The following DNAH17 variants were observed in gnomAD, a reference collection of about 807,000 sequenced individuals.
The protein encoded by DNAH17 is dynein axonemal heavy chain 17.
A neutral mutation model predicts 485.6 loss-of-function variants in DNAH17; 376 were observed. That is an observed-to-expected ratio of 0.77 (90% CI 0.71 to 0.84). The LOEUF is 0.84. Among genes scored for constraint, DNAH17 ranks in the 40% least tolerant of loss-of-function variants. DNAH17 has a pLI of 0.00. For synonymous variants in DNAH17, 3,031 were observed against 2,405.9 expected (o/e 1.26, Z -7.60); for missense variants, 6,370 against 5,839.3 (o/e 1.09, Z -2.96).
intron 74 of DNAH17, among the ~76,000 whole-genome samples, chr17:78,436,101 A>G (rs146384417): frequency 4.6e-4 from 70 of 152,342 alleles, no homozygotes; most frequent in African/African-American, 1.5e-3. Flanking sequence ...GATACACCCC[A>G]TAAGTAGATC....
intron 75 of DNAH17, among the ~76,000 whole-genome samples, chr17:78,430,236 G>T (rs544324798): frequency 1.6e-4 from 24 of 152,248 alleles, no homozygotes; most frequent in African/African-American, 5.5e-4. Context: ...GGGAGCCACG[G>T]ATTGAGGCCA....
intron 44 of DNAH17, among the ~76,000 whole-genome samples, chr17:78,489,741 A>T (rs1038480984): frequency 6.9e-6 from 1 of 145,046 alleles, no homozygotes; most frequent in African/African-American, 2.6e-5. Flanking sequence ...CACTCTCTAC[A>T]TCTTTCCTGG....
intron 42 of DNAH17, 74 bp from the exon 43 acceptor site, chr17:78,491,644 G>A: frequency 6.5e-7 from 1 of 1,538,954 alleles, no homozygotes; most frequent in Admixed American, 2.0e-5. Flanking sequence ...TCCTGACCCT[G>A]GCCTCTCTCT....
At chr17:78,459,468 G>A (rs1052317034) in intron 60 of DNAH17, among the ~76,000 whole-genome samples, 7 of 152,234 alleles carry the variant, frequency 4.6e-5, no homozygotes, top group South Asian at 2.1e-4. Context: ...AGATGCAGAC[G>A]AGATGACGTG....
At chr17:78,479,703 G>T (rs900917036) in intron 49 of DNAH17, 71 bp from the exon 50 acceptor site, 4 of 1,589,352 alleles carry the variant, frequency 2.5e-6, no homozygotes, top group Non-Finnish European at 2.6e-6. Context: ...GGCCACCTTC[G>T]CGGGAGAGTG....
intron 56 of DNAH17, among the ~76,000 whole-genome samples, chr17:78,463,530 A>G (rs1417092160): frequency 1.3e-5 from 2 of 152,190 alleles, no homozygotes; most frequent in Non-Finnish European, 2.9e-5. Flanking sequence ...CTGCATATGT[A>G]CACGTGCACA....
intron 48 of DNAH17, 185 bp downstream of exon 48, chr17:78,484,683 G>A (rs2089509385): frequency 2.4e-6 from 1 of 415,018 alleles, no homozygotes; most frequent in African/African-American, 2.1e-5. Context: ...ATGCCTTGTG[G>A]CCCCACAAAC....
chr17:78,532,545 C>G lies in DNAH17; in HGVS notation c.3051G>C (p.Leu1017Phe). ...IYGCAVTAED[L>F]DTWTDDTIPK... ...GGATGGTGTCATCTGTCCAGGTGTCCAAGTCCTCCGCAGTGACTGCACACC... is the reference window on the plus strand; with the variant it reads ...GGATGGTGTCATCTGTCCAGGTGTCGAAGTCCTCCGCAGTGACTGCACACC... Residue 1017 changes from leucine to phenylalanine, a missense_variant, in exon 20 of 81, where the codon TTG becomes TTC. By Grantham distance (22) the Leu-to-Phe change is conservative (BLOSUM62 0). Coordinates refer to ENST00000389840, the MANE Select transcript of DNAH17 (RefSeq NM_173628.4). 6.2e-7 allele frequency: 1 copy of G among 1,611,032 alleles called. No homozygotes were observed. The highest frequency in any genetic ancestry group is 8.5e-7 in the Non-Finnish European group (1 of 1,178,794).
intron 13 of DNAH17, among the ~76,000 whole-genome samples, chr17:78,558,848 A>C (rs963460181): frequency 6.6e-6 from 1 of 152,202 alleles, no homozygotes; most frequent in Admixed American, 6.5e-5. Context: ...CCACAAAGCT[A>C]TTCTCAAAGT....
chr17:78,488,451 G>T (rs1288691537), intron 44 of DNAH17, among the ~76,000 whole-genome samples: 1 of 152,094 alleles, frequency 6.6e-6, no homozygotes, highest in Non-Finnish European at 1.5e-5. Flanking sequence ...TCCTGCCTTG[G>T]CCCACGCTGC....
chr17:78,425,183 G>C lies in DNAH17; in HGVS notation c.13141+163C>G, dbSNP rs1157038929. The C allele has an allele frequency of 4.5e-6, 3 of 666,976 alleles. No homozygotes were observed. In the African/African-American group the frequency reaches 5.5e-5, roughly 12 times the overall value. 41.3% of individuals were successfully genotyped at this position (666,976 alleles called of 1,614,324 possible). The stretch of plus-strand genomic sequence containing the variant: ...ATCCTCTCAACCCTCTCTAGGGTCA[G>C]CGTGGCTCTGACCTGCAGGCTGATG... On this transcript the variant is annotated intron_variant, in intron 80 of 80. Transcript: ENST00000389840.
In DNAH17 at chr17:78,426,977, G is replaced by T; in HGVS notation, c.12720C>A (p.Ile4240=). The change falls in exon 78 of 81, where the codon ATC becomes ATA. Residue 4240 remains isoleucine (I), a synonymous_variant. Coordinates refer to ENST00000389840, the MANE Select transcript of DNAH17 (RefSeq NM_173628.4). ...GCGAACGGCGCATTTCGTTGGTCAGGATGTTCATTCTTTCACATTCTTGAA... is the reference window on the plus strand; with the variant it reads ...GCGAACGGCGCATTTCGTTGGTCAGTATGTTCATTCTTTCACATTCTTGAA... The part of the protein sequence containing the change: ...VAFQECERMN[I]LTNEMRRSLK... The T allele has an allele frequency of 1.2e-6, 2 of 1,610,962 alleles. No homozygotes were observed. The highest frequency in any genetic ancestry group is 2.2e-5 in the South Asian group (2 of 90,330).
intron 42 of DNAH17, among the ~76,000 whole-genome samples, chr17:78,491,905 T>C (rs896482369): frequency 1.3e-5 from 2 of 152,164 alleles, no homozygotes; most frequent in Admixed American, 6.5e-5. Flanking sequence ...TGTCCATCTG[T>C]CCACTCACAC....
At position 78,463,064 on chromosome 17, in the gene DNAH17, G is replaced by T; in HGVS notation, c.8954C>A (p.Ala2985Asp). 6.2e-7 allele frequency: 1 copy of T among 1,613,818 alleles called. No homozygotes were observed. Among genetic ancestry groups the T allele is most frequent in the Non-Finnish European group, 8.5e-7 (1 of 1,179,822 alleles). Residue 2985 changes from alanine to aspartate, a missense_variant, in exon 57 of 81, where the codon GCC (alanine) becomes GAC (aspartate). Transcript: ENST00000389840. ...GTAGGACATGAAGAAGCTGATGGAG[G>T]CCTTGACTTCCCACTACAAAGATGA... ...ETEGIPWEVK[A>D]SISFFMSYVH...
intron 31 of DNAH17, 139 bp downstream of exon 31, chr17:78,505,154 G>T: frequency 9.0e-7 from 1 of 1,107,396 alleles, no homozygotes; most frequent in Non-Finnish European, 1.3e-6. Flanking sequence ...TTTCTAGAGA[G>T]GGAGAGGAGA....
chr17:78,561,621 G>A lies in DNAH17; in HGVS notation c.1835+94C>T. Reference sequence around the variant, plus strand: ...CTGGGAGGTAACAGTCTGGTCGACAGGAGGGGTGGTCCCGCTCGGGGTTGG... The same window carrying A: ...CTGGGAGGTAACAGTCTGGTCGACAAGAGGGGTGGTCCCGCTCGGGGTTGG... On this transcript the variant is annotated intron_variant, in intron 12 of 80. Coordinates refer to ENST00000389840, the MANE Select transcript of DNAH17 (RefSeq NM_173628.4). The A allele has an allele frequency of 2.8e-6, 4 of 1,415,364 alleles. No individual in the cohort carries two copies. The East Asian group carries it at 1.0e-4, about 35-fold the overall frequency. The allele number at this position is 1,415,364 out of a possible 1,614,324, so 87.7% of individuals were successfully genotyped here.
intron 76 of DNAH17, 113 bp from the exon 77 acceptor site, chr17:78,428,820 A>G: frequency 7.6e-7 from 1 of 1,309,652 alleles, no homozygotes; most frequent in Non-Finnish European, 1.1e-6. Context: ...CTGTCTGTAC[A>G]GATCCCACTT....
intron 69 of DNAH17, among the ~76,000 whole-genome samples, chr17:78,448,944 G>T (rs538994720): frequency 1.3e-5 from 2 of 152,130 alleles, no homozygotes; most frequent in East Asian, 3.8e-4. Context: ...TGTTATAGCC[G>T]CACAAAACAA....
intron 56 of DNAH17, among the ~76,000 whole-genome samples, chr17:78,466,259 C>T (rs113308262): frequency 6.6e-6 from 1 of 152,024 alleles, no homozygotes; most frequent in Non-Finnish European, 1.5e-5. Flanking sequence ...CATCACCACT[C>T]CCTAATCTCA....
Sources: allele counts gnomAD v4.1 joint callset (sites outside exome capture counted in the v4.1 genomes callset), GRCh38; gene constraint gnomAD v4.1.1; transcripts MANE v1.5; gene names NCBI Gene and HGNC (gene_info 2026-07-23, HGNC 2026-07-21).